Variants in ARHGAP39 observed in about 807,000 individuals in gnomAD.
ARHGAP39 encodes rho GTPase-activating protein 39.
Under a neutral mutation model 106.9 loss-of-function variants are expected in ARHGAP39, and 44 were observed. That is an observed-to-expected ratio of 0.41 (90% confidence interval 0.32 to 0.53). ARHGAP39 has a LOEUF of 0.53. Ranked by LOEUF, ARHGAP39 falls within the 20% of genes least tolerant of loss-of-function variation. The pLI is 0.21. For missense variants in ARHGAP39, 1,496 were observed against 1,577.3 expected, an observed-to-expected ratio of 0.95 and a Z score of 0.87; for synonymous variants, 768 against 693.2, an observed-to-expected ratio of 1.11 and a Z score of -1.69.
intron 2 of ARHGAP39, among the ~76,000 whole-genome samples, chr8:144,582,889 G>A (rs759637138): frequency 2.0e-5 from 3 of 152,166 alleles, no homozygotes; most frequent in Non-Finnish European, 2.9e-5. Flanking sequence ...GCGAGGTGGT[G>A]GGGGTCCTGT....
In ARHGAP39 at chr8:144,534,125, G is replaced by A. The variant is rs780002490; in HGVS notation, c.2688+4C>T. On this transcript the variant is annotated splice_donor_region_variant and intron_variant, in intron 8 of 11. Transcript: ENST00000377307. ...CCTCCCCGGCCCCCCAGGCGCACCC[G>A]TACCTTCTTGGCCCCGGTCAGGGCT... 114 of 1,612,354 alleles carry A rather than the reference G, an allele frequency of 7.1e-5. No individual in the cohort carries two copies. Among genetic ancestry groups the A allele is most frequent in the Middle Eastern group, 3.3e-4 (2 of 6,078 alleles).
intron 2 of ARHGAP39, among the ~76,000 whole-genome samples, chr8:144,600,325 C>T (rs1012350915): frequency 6.7e-6 from 1 of 149,536 alleles, no homozygotes; most frequent in African/African-American, 2.5e-5. Context: ...TGCGTGTGCA[C>T]TTGTGTACCT....
intron 1 of ARHGAP39, among the ~76,000 whole-genome samples, chr8:144,624,365 A>AGAG (rs386414276): frequency 2.6e-5 from 4 of 151,808 alleles, no homozygotes; most frequent in African/African-American, 7.3e-5. Context: ...TAAAGAGGAA[A>AGAG]GAGGAAGCAT....
upstream of ARHGAP39, among the ~76,000 whole-genome samples, chr8:144,686,362 A>G (rs979992701): frequency 2.0e-5 from 3 of 152,008 alleles, no homozygotes; most frequent in African/African-American, 4.8e-5. Flanking sequence ...CAGCTCGACT[A>G]GTGCTCTATT....
chr8:144,551,794 G>A (rs1817702178), intron 4 of ARHGAP39, among the ~76,000 whole-genome samples: 1 of 152,188 alleles, frequency 6.6e-6, no homozygotes, highest in South Asian at 2.1e-4. Flanking sequence ...GCCCCCGGGA[G>A]CAAGCACCCA....
At chr8:144,539,940 A>C (rs116362707) in intron 6 of ARHGAP39, among the ~76,000 whole-genome samples, 1,578 of 152,358 alleles carry the variant, frequency 0.01, 31 homozygotes, top group African/African-American at 0.036. Flanking sequence ...AAAGTGGTAC[A>C]ATTTGCATTC....
intron 8 of ARHGAP39, 90 bp downstream of exon 8, chr8:144,534,039 T>G: frequency 6.8e-7 from 1 of 1,463,236 alleles, no homozygotes; most frequent in Non-Finnish European, 9.4e-7. Flanking sequence ...TGCTGCCCCA[T>G]ACCAAACTGC....
intron 1 of ARHGAP39, among the ~76,000 whole-genome samples, chr8:144,673,146 G>C (rs545752739): frequency 6.6e-6 from 1 of 151,726 alleles, no homozygotes; most frequent in Non-Finnish European, 1.5e-5. Flanking sequence ...GAGCCCAGGA[G>C]GTCAAAGATA....
At chr8:144,610,277 CG>C (rs760721589) in intron 1 of ARHGAP39, among the ~76,000 whole-genome samples, 14 of 152,104 alleles carry the variant, frequency 9.2e-5, no homozygotes, top group Non-Finnish European at 1.3e-4. Context: ...ACAGCTTAAT[CG>C]TTTTTTTTCT....
chr8:144,663,045 A>C (rs1821874180), intron 1 of ARHGAP39, among the ~76,000 whole-genome samples: 1 of 129,490 alleles, frequency 7.7e-6, no homozygotes, highest in African/African-American at 3.0e-5. Context: ...CCCATTATCC[A>C]TCTTGGGTCA....
chr8:144,619,086 C>CA (rs1428572895), intron 1 of ARHGAP39, among the ~76,000 whole-genome samples: 2 of 152,228 alleles, frequency 1.3e-5, no homozygotes, highest in Non-Finnish European at 2.9e-5. Flanking sequence ...GCCCAGGCCC[C>CA]AGGCACGTCA....
At chr8:144,616,021 G>T (rs1820626530) in intron 1 of ARHGAP39, among the ~76,000 whole-genome samples, 1 of 152,266 alleles carries the variant, frequency 6.6e-6, no homozygotes, top group South Asian at 2.1e-4. Context: ...GAGGGGGAAA[G>T]GAGGGGGTCA....
chr8:144,652,210 C>A (rs972814134), intron 1 of ARHGAP39, among the ~76,000 whole-genome samples: 2 of 151,756 alleles, frequency 1.3e-5, no homozygotes, highest in Non-Finnish European at 2.9e-5. Flanking sequence ...CAGTGCAAGA[C>A]CCCGTCTCAA....
intron 2 of ARHGAP39, among the ~76,000 whole-genome samples, chr8:144,590,432 G>C (rs1025829340): frequency 5.1e-4 from 77 of 152,302 alleles, no homozygotes; most frequent in African/African-American, 1.8e-3. Context: ...GTGAGTTCTT[G>C]TGAGATCAGG....
chr8:144,692,798 C>T, the ARHGAP39 span, among the ~76,000 whole-genome samples: 365 of 120,414 alleles, frequency 3.0e-3, 4 homozygotes, highest in African/African-American at 5.8e-3. Context: ...TTACTCTTGT[C>T]CCCCAGGCTG....
In ARHGAP39 at chr8:144,530,459, T is replaced by G; in HGVS notation, c.3308A>C (p.Gln1103Pro). The change falls in exon 12 of 12, where the codon CAG (glutamine) becomes CCG (proline). Residue 1103 changes from glutamine (Q) to proline (P), a missense_variant. Physicochemically the swap from Gln to Pro is moderately conservative, Grantham distance 76. This residue lies in a region of ARHGAP39 where 470 missense variants were observed against 605.1 expected (regional missense o/e 0.78). Coordinates refer to ENST00000377307, the MANE Select transcript of ARHGAP39 (RefSeq NM_025251.3). ...CTCCATGAAGCTGGTGTCCAGGTGCTGGATGAGCACCCGCAGGAAGGACAT... is the reference window on the plus strand; with the variant it reads ...CTCCATGAAGCTGGTGTCCAGGTGCGGGATGAGCACCCGCAGGAAGGACAT... ...KEMSFLRVLI[Q>P]HLDTSFMEGV... is the part of the protein sequence containing the mutation. The G allele has an allele frequency of 6.2e-7, 1 of 1,610,552 alleles. No homozygotes were observed. The highest frequency in any genetic ancestry group is 8.5e-7 in the Non-Finnish European group (1 of 1,178,794).
chr8:144,565,260 G>A (rs898562034), intron 3 of ARHGAP39, among the ~76,000 whole-genome samples: 5 of 150,094 alleles, frequency 3.3e-5, no homozygotes, highest in Non-Finnish European at 7.4e-5. Context: ...CCTGGGCAAC[G>A]GCAAGGCCTT....
At chr8:144,609,837 GC>G (rs762035549) in intron 1 of ARHGAP39, among the ~76,000 whole-genome samples, 2 of 152,078 alleles carry the variant, frequency 1.3e-5, no homozygotes, top group African/African-American at 2.4e-5. Flanking sequence ...AGTAATACCA[GC>G]ATAACAAAAT....
At chr8:144,570,863 A>T (rs532092750) in intron 3 of ARHGAP39, among the ~76,000 whole-genome samples, 3 of 152,190 alleles carry the variant, frequency 2.0e-5, no homozygotes, top group Non-Finnish European at 4.4e-5. Flanking sequence ...CCTCTACACA[A>T]ATAAAATAGA....
Sources: gnomAD v4.1 joint callset for allele counts (sites outside exome capture counted in the v4.1 genomes callset) on GRCh38, gnomAD v4.1.1 for gene constraint, gnomAD v4.1.1 regional missense constraint, MANE v1.5 for transcripts, NCBI Gene and HGNC (gene_info 2026-07-23, HGNC 2026-07-21) for gene names.